USP24: variants seen among roughly 807,000 people sequenced by gnomAD.
The protein encoded by USP24 is ubiquitin carboxyl-terminal hydrolase 24.
A neutral mutation model predicts 361.6 loss-of-function variants in USP24; 97 were observed. The observed-to-expected ratio is 0.27, with a 90% CI of 0.23 to 0.32. The LOEUF is 0.32. USP24 is among the 10% of genes least tolerant of loss of function. The pLI, the probability that USP24 is intolerant of heterozygous loss-of-function variation, is 1.00. For missense variants in USP24, 2,353 were observed against 3,165.6 expected (o/e 0.74, Z 6.16); for synonymous variants, 1,098 against 1,124.6 (o/e 0.98, Z 0.47).
Position 55,089,739 on chromosome 1 carries a change from C to T in USP24, c.6556G>A (p.Val2186Ile). The T allele has an allele frequency of 6.3e-7, 1 of 1,585,084 alleles. No individual in the cohort carries two copies. The highest frequency in any genetic ancestry group is 8.6e-7 in the Non-Finnish European group (1 of 1,165,152). ...GTAGCAATCCATTCTTCAGTATCAA[C>T]CCTTTAAAAAAAAGCAGATACAGCA... The part of the protein sequence containing the change: ...TYLRTKKKLR[V>I]DTEEWIATIE... The change falls in exon 55 of 68, where the codon GTT (valine) becomes ATT (isoleucine). Residue 2186 changes from valine to isoleucine, a missense_variant and splice_region_variant. Transcript: ENST00000294383.
chr1:55,118,740 AG>A (rs1423470957), intron 38 of USP24, among the ~76,000 whole-genome samples: 1 of 152,222 alleles, frequency 6.6e-6, no homozygotes, highest in Admixed American at 6.5e-5. Flanking sequence ...AAATGAGCAA[AG>A]GTCTTAAAAT....
At chr1:55,139,993 T>C (rs1473130623) in intron 24 of USP24, among the ~76,000 whole-genome samples, 2 of 151,976 alleles carry the variant, frequency 1.3e-5, no homozygotes, top group Non-Finnish European at 2.9e-5. Context: ...ACTGTACAGA[T>C]GACAGAAACC....
At chr1:55,091,884 TA>T (rs1645385015) in intron 54 of USP24, 138 bp downstream of exon 54, 3 of 620,518 alleles carry the variant, frequency 4.8e-6, no homozygotes, top group Non-Finnish European at 8.2e-6. Flanking sequence ...AGAAGTTTCT[TA>T]AAGCTAGAGA....
In USP24 at chr1:55,170,808, G is replaced by A. The variant is rs1327832627; in HGVS notation, c.825+748C>T. Among the ~76,000 whole-genome samples the A allele has an allele frequency of 5.3e-5, 8 of 151,328 alleles. No homozygotes were observed. In the East Asian group the frequency reaches 1.5e-3, roughly 29 times the overall value. On this transcript the variant is annotated intron_variant, in intron 5 of 67. Transcript: ENST00000294383. ...ATTATGCTGTCATTTTTTTGTTTTC[G>A]TATTTCCTCCACTATACTACAAGCT...
chr1:55,098,371 GGA>G, intron 46 of USP24, 103 bp downstream of exon 46: 1 of 1,023,656 alleles, frequency 9.8e-7, no homozygotes, highest in East Asian at 2.6e-5. Flanking sequence ...CTGTTGACAG[GGA>G]GAGAGTTCTA....
intron 63 of USP24, 23 bp from the exon 64 acceptor site, chr1:55,073,929 T>C (rs1435075809): frequency 5.2e-6 from 8 of 1,550,512 alleles, no homozygotes; most frequent in Non-Finnish European, 5.2e-6. Context: ...AAAAGGACAT[T>C]TTAACAATAA....
Position 55,137,845 on chromosome 1 carries a change from A to C in USP24, c.2988T>G (p.Ser996=). The C allele has an allele frequency of 6.3e-7, 1 of 1,597,720 alleles. No individual in the cohort carries two copies. The highest frequency in any genetic ancestry group is 8.5e-7 in the Non-Finnish European group (1 of 1,170,986). The change falls in exon 27 of 68, where the codon TCT becomes TCG. Residue 996 remains serine, a synonymous_variant. Coordinates refer to ENST00000294383, the MANE Select transcript of USP24 (RefSeq NM_015306.3). The part of the protein sequence containing the change: ...VRWKIAKQLC[S]PVDNIQIFTN... The stretch of plus-strand genomic sequence containing the variant: ...TAAATATCTGTATATTATCCACAGG[A>C]GAGCACAACTGCTTGGCTATTTTCC...
chr1:55,075,633 C>T, intron 62 of USP24, 110 bp from the exon 63 acceptor site: 1 of 454,190 alleles, frequency 2.2e-6, no homozygotes. Context: ...TTGACAACAA[C>T]AACAACAACA....
At chr1:55,135,270 C>T (rs1031211173) in intron 28 of USP24, among the ~76,000 whole-genome samples, 2 of 152,156 alleles carry the variant, frequency 1.3e-5, no homozygotes, top group African/African-American at 2.4e-5. Flanking sequence ...CAGGCATGAG[C>T]CACCACACCC....
At chr1:55,104,591 C>T (rs1487558784) in intron 41 of USP24, among the ~76,000 whole-genome samples, 1 of 152,178 alleles carries the variant, frequency 6.6e-6, no homozygotes, top group Non-Finnish European at 1.5e-5. Flanking sequence ...GTAGTATAAA[C>T]CACTTTGGGG....
At position 55,073,404 on chromosome 1, in the gene USP24, G is replaced by C. The variant is rs539216871; in HGVS notation, c.7526+424C>G. Among the ~76,000 whole-genome samples the C allele has an allele frequency of 2.0e-5, 3 of 152,214 alleles. No individual in the cohort carries two copies. In the South Asian group the frequency reaches 6.2e-4, roughly 32 times the overall value. On this transcript the variant is annotated intron_variant, in intron 64 of 67. Coordinates refer to ENST00000294383, the MANE Select transcript of USP24 (RefSeq NM_015306.3). ...ATAAGATAATACAGGCAAGGTTCTT[G>C]ACACGGTGCCTGGGTTCACAAGTGC... is the stretch of plus-strand genomic sequence containing the variant.
intron 16 of USP24, chr1:55,152,046 C>G: frequency 1.1e-6 from 1 of 948,250 alleles, no homozygotes; most frequent in Non-Finnish European, 1.3e-6. Context: ...CTGCCTGGAG[C>G]CATATCCAGG....
At chr1:55,174,556 G>A (rs978922576) in intron 3 of USP24, among the ~76,000 whole-genome samples, 1 of 152,216 alleles carries the variant, frequency 6.6e-6, no homozygotes, top group African/African-American at 2.4e-5. Flanking sequence ...CCTAACAGCT[G>A]AAGGCATGAG....
chr1:55,184,136 A>G (rs1644058747), intron 1 of USP24, among the ~76,000 whole-genome samples: 1 of 152,110 alleles, frequency 6.6e-6, no homozygotes, highest in Admixed American at 6.6e-5. Flanking sequence ...AGCTCACTGC[A>G]ACCTCTGTGT....
At chr1:55,111,285 T>C (rs1381639427) in intron 38 of USP24, among the ~76,000 whole-genome samples, 1 of 138,674 alleles carries the variant, frequency 7.2e-6, no homozygotes, top group Non-Finnish European at 1.5e-5. Context: ...TGAAATTAAA[T>C]AGCTCTACCT....
At chr1:55,197,902 T>C (rs1644462510) in intron 1 of USP24, among the ~76,000 whole-genome samples, 1 of 152,230 alleles carries the variant, frequency 6.6e-6, no homozygotes, top group African/African-American at 2.4e-5. Flanking sequence ...ACTTTTATTT[T>C]CTCACTTGTG....
Position 55,071,288 on chromosome 1 carries a change from G to T in USP24, c.7800+526C>A, listed in dbSNP as rs1470886896. Reference sequence around the variant, plus strand: ...CTTAGTTCAGTGTTTGCACACAGTGGGTGTTCAATACATATTTATTTTCTT... The same window carrying T: ...CTTAGTTCAGTGTTTGCACACAGTGTGTGTTCAATACATATTTATTTTCTT... On this transcript the variant is annotated intron_variant, in intron 67 of 67. Transcript: ENST00000294383. 4 of 989,874 alleles carry T rather than the reference G, an allele frequency of 4.0e-6. No homozygotes were observed. In the Admixed American group the frequency reaches 2.3e-4, roughly 57 times the overall value. The allele number at this position is 989,874 out of a possible 1,614,324, so 61.3% of individuals were successfully genotyped here.
chr1:55,120,749 C>G lies in USP24; in HGVS notation c.4355G>C (p.Arg1452Pro). The G allele has an allele frequency of 6.4e-7, 1 of 1,565,290 alleles. No homozygotes were observed. Among genetic ancestry groups the G allele is most frequent in the Non-Finnish European group, 8.7e-7 (1 of 1,154,926 alleles). ...LLGSPSAEIR[R>P]VACDQLYTLS... ...AGTGTACAGCTGATCACAGGCAACC[C>G]GGCGAATCTGAAATTACATGATCAG... The change falls in exon 38 of 68, where the codon CGG becomes CCG. Residue 1452 changes from arginine to proline, a missense_variant. Around this residue, in one of 8 missense-constraint regions of USP24, gnomAD observed 949 missense variants for 1,280.5 expected, o/e 0.74. Transcript: ENST00000294383.
intron 24 of USP24, among the ~76,000 whole-genome samples, chr1:55,140,262 TGG>T (rs1286341165): frequency 2.8e-4 from 42 of 152,284 alleles, no homozygotes; most frequent in Non-Finnish European, 5.3e-4. Flanking sequence ...AGTAGGAGTT[TGG>T]ACATCCTAAC....
Sources: allele counts gnomAD v4.1 joint callset (sites outside exome capture counted in the v4.1 genomes callset), GRCh38; gene constraint gnomAD v4.1.1; regional missense constraint gnomAD v4.1.1; transcripts MANE v1.5; gene names NCBI Gene and HGNC (gene_info 2026-07-23, HGNC 2026-07-21).